Variants in BRI3BP observed in about 807,000 individuals in gnomAD.
BRI3BP encodes the protein BRI3-binding protein.
A neutral mutation model predicts 15.8 loss-of-function variants in BRI3BP; 7 were observed. The ratio of observed to expected loss-of-function variants is 0.44; its 90% CI spans 0.25 to 0.83. The LOEUF is 0.83. BRI3BP is among the 40% of genes least tolerant of loss of function. The pLI, the probability that BRI3BP is intolerant of heterozygous loss-of-function variation, is 0.20. For missense variants in BRI3BP, 320 were observed against 339.3 expected (o/e 0.94, Z 0.45); for synonymous variants, 192 against 163.5 (o/e 1.17, Z -1.33).
intron 2 of BRI3BP, among the ~76,000 whole-genome samples, chr12:125,024,459 C>A (rs571479505): frequency 1.3e-5 from 2 of 152,242 alleles, no homozygotes; most frequent in East Asian, 3.9e-4. Flanking sequence ...TGAAGAGAAA[C>A]CAGTATATGG....
At chr12:125,017,987 T>C (rs1260082539) in intron 2 of BRI3BP, among the ~76,000 whole-genome samples, 1 of 152,128 alleles carries the variant, frequency 6.6e-6, no homozygotes, top group Non-Finnish European at 1.5e-5. Context: ...ACTGGATGAC[T>C]GTGTGTGTAG....
chr12:125,046,128 G>A, the BRI3BP span, among the ~76,000 whole-genome samples: 600 of 151,752 alleles, frequency 4.0e-3, 7 homozygotes, highest in African/African-American at 0.014. Context: ...TCGCGCCATT[G>A]ACTCTAGCCT....
chr12:125,019,634 C>CTTTTTTTTTT (rs1565906073), intron 2 of BRI3BP, among the ~76,000 whole-genome samples: 2 of 45,540 alleles, frequency 4.4e-5, no homozygotes, highest in Admixed American at 2.7e-4. Context: ...TTAATTCCAC[C>CTTTTTTTTTT]CTTTTTTTTT....
In BRI3BP at chr12:125,012,574, A is replaced by C; in HGVS notation, c.254A>C (p.Asp85Ala). Residue 85 changes from aspartate to alanine, a missense_variant, in exon 2 of 3, where the codon GAT becomes GCT. By Grantham distance (126) the Asp-to-Ala change is moderately radical (BLOSUM62 -2). Coordinates refer to ENST00000341446, the MANE Select transcript of BRI3BP (RefSeq NM_080626.6). ...RLTERFVLGV[D>A]MFVETLWKVW... ...ACTGAGAGATTTGTGCTGGGAGTGG[A>C]TATGTTCGTGGAGACACTGTGGAAA... is the stretch of plus-strand genomic sequence containing the variant. The C allele has an allele frequency of 6.2e-7, 1 of 1,613,354 alleles. No individual in the cohort carries two copies. Among genetic ancestry groups the C allele is most frequent in the Non-Finnish European group, 8.5e-7 (1 of 1,179,400 alleles).
chr12:125,047,807 C>T, the BRI3BP span, among the ~76,000 whole-genome samples: 1 of 152,072 alleles, frequency 6.6e-6, no homozygotes, highest in Non-Finnish European at 1.5e-5. Context: ...AGTGATTCTC[C>T]TGCCTCAGCC....
At chr12:125,044,233 A>G in the BRI3BP span, among the ~76,000 whole-genome samples, 3 of 151,980 alleles carry the variant, frequency 2.0e-5, no homozygotes, top group Non-Finnish European at 4.4e-5. Context: ...GCTCACTGCA[A>G]CCGCCAGCTC....
chr12:125,024,319 C>CT (rs201969195), intron 2 of BRI3BP, among the ~76,000 whole-genome samples: 3,333 of 150,316 alleles, frequency 0.022, 111 homozygotes, highest in African/African-American at 0.075. Flanking sequence ...ATCCAATCAC[C>CT]CCCCACGAGG....
intron 1 of BRI3BP, among the ~76,000 whole-genome samples, chr12:125,001,481 T>C (rs1336388413): frequency 6.6e-6 from 1 of 152,186 alleles, no homozygotes; most frequent in Non-Finnish European, 1.5e-5. Context: ...CACCTTAACC[T>C]CCTGAGTAGC....
rs1955396287 is a variant in BRI3BP at position 125,030,238 on chromosome 12, G to A, written c.*4808G>A. ...TGACTTAACCAAAAAGCCAGCTCTT[G>A]CCATCTATCTTGCATTAAAAGGAAT... On this transcript the variant is annotated 3_prime_UTR_variant, in exon 3 of 3. Transcript: ENST00000341446. 6.6e-6 allele frequency: 1 copy of A among 152,176 alleles called. No individual in the cohort carries two copies. The highest frequency in any genetic ancestry group is 2.1e-4 in the South Asian group (1 of 4,832). The allele number at this position is 152,176 out of a possible 1,614,324, so 9.4% of individuals were successfully genotyped here. A position where few individuals can be genotyped will look rare whatever the true frequency, so the allele number is the denominator to read the frequency against.
chr12:125,022,541 A>ATTTATTTATTTATTTTTTTTT lies in BRI3BP; in HGVS notation c.317-2447_317-2446insATTTATTTATTTTTTTTTTTT. Reference sequence around the variant, plus strand: ...TTATTATTTATTTATTTATTTATTTATTTTTTGAGACAGAGCCTCACTGTG... The same window carrying ATTTATTTATTTATTTTTTTTT: ...TTATTATTTATTTATTTATTTATTTATTTATTTATTTATTTTTTTTTTTTTTTGAGACAGAGCCTCACTGTG... On this transcript the variant is annotated intron_variant, in intron 2 of 2. Coordinates refer to ENST00000341446, the MANE Select transcript of BRI3BP (RefSeq NM_080626.6). Among the ~76,000 whole-genome samples the ATTTATTTATTTATTTTTTTTT allele has an allele frequency of 1.2e-3, 169 of 139,422 alleles. 1 individual carries two copies. Among genetic ancestry groups the ATTTATTTATTTATTTTTTTTT allele is most frequent in the African/African-American group, 4.1e-3 (143 of 34,526 alleles). 91.5% of individuals were successfully genotyped at this position (139,422 alleles called of 152,430 possible).
the BRI3BP span, among the ~76,000 whole-genome samples, chr12:125,048,893 TG>T: frequency 6.6e-6 from 1 of 152,032 alleles, no homozygotes; most frequent in African/African-American, 2.4e-5. Context: ...GTAGAGGTGA[TG>T]GTGGGGAAAT....
downstream of BRI3BP, among the ~76,000 whole-genome samples, chr12:125,032,348 C>G (rs1026273326): frequency 3.3e-5 from 5 of 152,192 alleles, no homozygotes; most frequent in African/African-American, 1.2e-4. Flanking sequence ...GTCTCAGCTA[C>G]TCGGGAGGCT....
chr12:125,012,015 A>G (rs1955200886), intron 1 of BRI3BP, among the ~76,000 whole-genome samples: 2 of 152,176 alleles, frequency 1.3e-5, no homozygotes, highest in Non-Finnish European at 2.9e-5. Flanking sequence ...ACATAGCAAG[A>G]GCCCATCTCT....
chr12:125,031,779 C>T (rs73231616), downstream of BRI3BP, among the ~76,000 whole-genome samples: 30,292 of 151,722 alleles, frequency 0.2, 3,265 homozygotes, highest in African/African-American at 0.27. Flanking sequence ...CCGCCCGTTT[C>T]GGCCTCCCAA....
chr12:125,012,269 C>T (rs546620538), intron 1 of BRI3BP, among the ~76,000 whole-genome samples: 6 of 152,274 alleles, frequency 3.9e-5, no homozygotes, highest in East Asian at 1.9e-4. Flanking sequence ...CGGCGTAACG[C>T]GGCCCTGCAG....
At chr12:125,039,992 G>A in the BRI3BP span, among the ~76,000 whole-genome samples, 5 of 152,126 alleles carry the variant, frequency 3.3e-5, no homozygotes, top group South Asian at 2.1e-4. Context: ...GGCTGGGTAC[G>A]GTGGCTCATG....
At chr12:125,033,026 G>A (rs1022188238), downstream of BRI3BP, among the ~76,000 whole-genome samples, 3 of 152,056 alleles carry the variant, frequency 2.0e-5, no homozygotes, top group Non-Finnish European at 2.9e-5. Context: ...TGCCAATCCC[G>A]CTGCAGCCCC....
Position 125,025,624 on chromosome 12 carries a change from TG to T in BRI3BP, c.*196del, listed in dbSNP as rs1308994251. 1.7e-6 allele frequency: 1 copy of T among 586,326 alleles called. No individual in the cohort carries two copies. Among genetic ancestry groups the T allele is most frequent in the African/African-American group, 1.9e-5 (1 of 54,036 alleles). 36.3% of individuals were successfully genotyped at this position (586,326 alleles called of 1,614,324 possible). On this transcript the variant is annotated 3_prime_UTR_variant, in exon 3 of 3. Coordinates refer to ENST00000341446, the MANE Select transcript of BRI3BP (RefSeq NM_080626.6). Reference sequence around the variant, plus strand: ...CAGAAGAGCGGAAAGATCATTGACGTGGAACTACACACGAAGTGTAATTAGT... The same window carrying T: ...CAGAAGAGCGGAAAGATCATTGACGTGAACTACACACGAAGTGTAATTAGT...
At chr12:124,994,446 G>T (rs142317553) in intron 1 of BRI3BP, among the ~76,000 whole-genome samples, 16 of 152,226 alleles carry the variant, frequency 1.1e-4, no homozygotes, top group Admixed American at 3.3e-4. Flanking sequence ...CTTCCCCTGG[G>T]ACCTTCTGCC....
Sources: gnomAD v4.1 joint callset for allele counts (sites outside exome capture counted in the v4.1 genomes callset) on GRCh38, gnomAD v4.1.1 for gene constraint, MANE v1.5 for transcripts, NCBI Gene and HGNC (gene_info 2026-07-23, HGNC 2026-07-21) for gene names.